KCNAB1: variants seen among roughly 807,000 people sequenced by gnomAD.
The protein encoded by KCNAB1 is voltage-gated potassium channel subunit beta-1.
In KCNAB1, 35 loss-of-function variants were observed where a neutral mutation model predicts 64.6. The observed-to-expected ratio is 0.54, with a 90% CI of 0.41 to 0.72. The LOEUF (loss-of-function observed/expected upper bound fraction) is 0.72. Among genes scored for constraint, KCNAB1 ranks in the 30% least tolerant of loss-of-function variants. The probability of loss-of-function intolerance (pLI) is 0.00; values close to 1 mark genes in which losing one functional copy is unlikely to be tolerated. For synonymous variants in KCNAB1, 177 were observed against 183.8 expected (o/e 0.96, Z 0.30); for missense variants, 401 against 512.9 (o/e 0.78, Z 2.11).
At chr3:156,417,291 A>G (rs1715144510) in intron 1 of KCNAB1, among the ~76,000 whole-genome samples, 1 of 152,238 alleles carries the variant, frequency 6.6e-6, no homozygotes, top group Non-Finnish European at 1.5e-5. Flanking sequence ...CAGAAGGATC[A>G]GAAAGATGTT....
At position 156,297,404 on chromosome 3, in the gene KCNAB1, G is replaced by A. The variant is rs78298885; in HGVS notation, c.276-124212G>A. Among the ~76,000 whole-genome samples, 833 of 151,528 alleles carry A rather than the reference G, an allele frequency of 5.5e-3. 9 individuals are homozygous for A. The highest frequency in any genetic ancestry group is 0.019 in the African/African-American group (794 of 41,350). ...ACACGAGGGAACATCAGCAATGGAG[G>A]GACCAGTAAGGATTTTTAAGCAAGA... is the stretch of plus-strand genomic sequence containing the variant. On this transcript the variant is annotated intron_variant, in intron 1 of 13. Coordinates refer to ENST00000490337, the MANE Select transcript of KCNAB1 (RefSeq NM_172160.3).
At chr3:156,136,457 C>T (rs1359358269) in intron 1 of KCNAB1, among the ~76,000 whole-genome samples, 1 of 152,142 alleles carries the variant, frequency 6.6e-6, no homozygotes, top group East Asian at 1.9e-4. Context: ...TCCCCTAAGC[C>T]AGGCCAGTGC....
intron 1 of KCNAB1, among the ~76,000 whole-genome samples, chr3:156,266,126 TCTC>T (rs772068832): frequency 1.3e-5 from 2 of 152,192 alleles, no homozygotes. Flanking sequence ...CTTCAAATCT[TCTC>T]CTACATTTGA....
chr3:156,220,645 A>T (rs987499133), intron 1 of KCNAB1, among the ~76,000 whole-genome samples: 8 of 151,576 alleles, frequency 5.3e-5, no homozygotes, highest in African/African-American at 1.9e-4. Context: ...TATTGCAAAG[A>T]GTTTCTCCCA....
chr3:156,238,626 AGTTT>A (rs973301766), intron 1 of KCNAB1, among the ~76,000 whole-genome samples: 12 of 152,106 alleles, frequency 7.9e-5, no homozygotes, highest in African/African-American at 2.2e-4. Flanking sequence ...GTTTTTAGTT[AGTTT>A]GCCTTTTTCA....
At chr3:156,449,239 T>C (rs2108273246) in intron 2 of KCNAB1, among the ~76,000 whole-genome samples, 1 of 152,350 alleles carries the variant, frequency 6.6e-6, no homozygotes, top group Non-Finnish European at 1.5e-5. Flanking sequence ...ATTTCATAAT[T>C]CATTACTGCT....
At chr3:156,431,442 G>A (rs1716204464) in intron 2 of KCNAB1, among the ~76,000 whole-genome samples, 1 of 152,224 alleles carries the variant, frequency 6.6e-6, no homozygotes, top group Non-Finnish European at 1.5e-5. Context: ...GTGGGGCTGT[G>A]CTGTGTCTGT....
Position 156,357,424 on chromosome 3 carries a change from A to G in KCNAB1, c.276-64192A>G, listed in dbSNP as rs150543889. 3.6e-4 allele frequency among the ~76,000 whole-genome samples: 55 copies of G among 152,344 alleles called. 1 individual carries two copies. In the East Asian group the frequency reaches 7.9e-3, roughly 22 times the overall value. On this transcript the variant is annotated intron_variant, in intron 1 of 13. Coordinates refer to ENST00000490337, the MANE Select transcript of KCNAB1 (RefSeq NM_172160.3). ...TCAATTTCTTGCTTTTTGTATGACA[A>G]TGTAATGTTTCACATACTTAATGAC... is the stretch of plus-strand genomic sequence containing the variant.
chr3:156,124,259 T>C (rs1713517976), intron 1 of KCNAB1, among the ~76,000 whole-genome samples: 1 of 151,542 alleles, frequency 6.6e-6, no homozygotes, highest in Non-Finnish European at 1.5e-5. Context: ...CTCTGTTGCC[T>C]AGGCTGGAGT....
chr3:156,305,021 T>A (rs1721399551), intron 1 of KCNAB1, among the ~76,000 whole-genome samples: 1 of 151,964 alleles, frequency 6.6e-6, no homozygotes, highest in African/African-American at 2.4e-5. Flanking sequence ...GGTGGAAGCA[T>A]GGCATACTAG....
chr3:156,279,175 T>C (rs1300897023), intron 1 of KCNAB1, among the ~76,000 whole-genome samples: 4 of 147,082 alleles, frequency 2.7e-5, no homozygotes, highest in Non-Finnish European at 6.0e-5. Context: ...GTCCATGTGA[T>C]CTCATTGTTC....
At chr3:156,218,822 A>AAT (rs1553822977) in intron 1 of KCNAB1, among the ~76,000 whole-genome samples, 8 of 144,378 alleles carry the variant, frequency 5.5e-5, no homozygotes, top group Admixed American at 6.9e-5. Context: ...AAATAAAATA[A>AAT]AAATAAATAA....
intron 1 of KCNAB1, among the ~76,000 whole-genome samples, chr3:156,311,719 G>T (rs988002142): frequency 6.6e-6 from 1 of 152,184 alleles, no homozygotes; most frequent in African/African-American, 2.4e-5. Context: ...GCTGGTGTGT[G>T]AGAGAGAGAA....
intron 1 of KCNAB1, among the ~76,000 whole-genome samples, chr3:156,393,194 G>A (rs530332441): frequency 1.3e-5 from 2 of 152,264 alleles, no homozygotes; most frequent in African/African-American, 4.8e-5. Context: ...AGGCAGGATG[G>A]TGGGAACTTG....
At chr3:156,176,254 C>T in intron 1 of KCNAB1, 1 of 844,536 alleles carries the variant, frequency 1.2e-6, no homozygotes, top group Non-Finnish European at 2.1e-6. Flanking sequence ...TTTGTTCTGG[C>T]ACAGGTCCCA....
intron 1 of KCNAB1, among the ~76,000 whole-genome samples, chr3:156,358,916 T>G (rs1725427338): frequency 6.6e-6 from 1 of 152,162 alleles, no homozygotes; most frequent in Non-Finnish European, 1.5e-5. Flanking sequence ...TCCTATAAAG[T>G]TTTTCAGCAG....
rs1032352149 is a variant in KCNAB1, at chr3:156,182,452, A to G, written c.275+61566A>G. The stretch of plus-strand genomic sequence containing the variant: ...ACATTGACCTAGGGACATCCTTCTT[A>G]AAGAGTCCCTCAGCCATTTCTACCA... On this transcript the variant is annotated intron_variant, in intron 1 of 13. Transcript: ENST00000490337. Among the ~76,000 whole-genome samples, 25 of 152,156 alleles carry G rather than the reference A, an allele frequency of 1.6e-4. 2 individuals carry two copies. The highest frequency in any genetic ancestry group is 1.4e-3 in the Admixed American group (21 of 15,282).
At chr3:156,219,997 T>A (rs1230240353) in intron 1 of KCNAB1, among the ~76,000 whole-genome samples, 2 of 152,086 alleles carry the variant, frequency 1.3e-5, no homozygotes, top group Non-Finnish European at 2.9e-5. Context: ...GATAGTTTGC[T>A]TGGAATGATG....
At chr3:156,179,859 TTTTTAACG>T in intron 1 of KCNAB1, among the ~76,000 whole-genome samples, 1 of 152,340 alleles carries the variant, frequency 6.6e-6, no homozygotes, top group South Asian at 2.1e-4. Context: ...CATAGTTATG[TTTTTAACG>T]TAAATCATCC....
Sources: gnomAD v4.1 joint callset for allele counts (sites outside exome capture counted in the v4.1 genomes callset) on GRCh38, gnomAD v4.1.1 for gene constraint, MANE v1.5 for transcripts, NCBI Gene and HGNC (gene_info 2026-07-23, HGNC 2026-07-21) for gene names.